The following RAD50 variants were observed in gnomAD, a reference collection of about 807,000 sequenced individuals.
The protein encoded by RAD50 is DNA repair protein RAD50.
RAD50 carries 132 observed loss-of-function variants against 168.8 expected under a neutral mutation model. The observed-to-expected ratio is 0.78, with a 90% CI of 0.68 to 0.90. RAD50 has a LOEUF of 0.90. Among genes scored for constraint, RAD50 ranks in the 40% least tolerant of loss-of-function variants. RAD50 has a pLI of 0.00. For synonymous variants in RAD50, 525 were observed against 497.4 expected (o/e 1.06, Z -0.74); for missense variants, 1,347 against 1,534.4 (o/e 0.88, Z 2.04).
At chr5:132,601,771 A>G (rs1236296818) in intron 13 of RAD50, among the ~76,000 whole-genome samples, 1 of 152,208 alleles carries the variant, frequency 6.6e-6, no homozygotes, top group African/African-American at 2.4e-5. Context: ...TGTGGCACAT[A>G]TACACCATGG....
rs1472010885 is a variant in RAD50 at position 132,603,786 on chromosome 5, C to T, written c.2398-134C>T. The stretch of plus-strand genomic sequence containing the variant: ...TTAATTTCACTTTTATCCTATTAAA[C>T]TTTGCTAAAATTGTATCTAGAAATG... On this transcript the variant is annotated intron_variant, in intron 14 of 24. Transcript: ENST00000378823. The T allele has an allele frequency of 1.1e-5, 10 of 927,708 alleles. No homozygotes were observed. In the African/African-American group the frequency reaches 1.2e-4, roughly 11 times the overall value. 57.5% of individuals were successfully genotyped at this position (927,708 alleles called of 1,614,324 possible).
At chr5:132,597,493 A>T (rs1163700292) in intron 13 of RAD50, among the ~76,000 whole-genome samples, 3 of 151,498 alleles carry the variant, frequency 2.0e-5, no homozygotes, top group Non-Finnish European at 4.4e-5. Context: ...CCCCTCTCTC[A>T]CTCACTCTGT....
intron 2 of RAD50, among the ~76,000 whole-genome samples, chr5:132,573,786 G>T (rs562405271): frequency 1.2e-4 from 18 of 152,306 alleles, no homozygotes; most frequent in Non-Finnish European, 2.4e-4. Flanking sequence ...GGAGAAATTG[G>T]CCAAAACAAA....
At chr5:132,610,483 T>C (rs908297864) in intron 19 of RAD50, among the ~76,000 whole-genome samples, 1 of 152,186 alleles carries the variant, frequency 6.6e-6, no homozygotes, top group African/African-American at 2.4e-5. Context: ...GCAAGCATGG[T>C]AGTTAATGCC....
chr5:132,587,524 T>C, intron 5 of RAD50, 38 bp from the exon 6 acceptor site: 1 of 1,607,918 alleles, frequency 6.2e-7, no homozygotes, highest in Non-Finnish European at 8.5e-7. Context: ...ATGTAAGCTA[T>C]AGTGAGTTTT....
At chr5:132,594,803 C>T in intron 11 of RAD50, 66 bp from the exon 12 acceptor site, 1 of 1,466,498 alleles carries the variant, frequency 6.8e-7, no homozygotes, top group Non-Finnish European at 9.5e-7. Flanking sequence ...TTGTTTTTGC[C>T]TACTCAAATT....
intron 17 of RAD50, 82 bp from the exon 18 acceptor site, chr5:132,609,035 T>C (rs1581004541): frequency 6.4e-7 from 1 of 1,558,554 alleles, no homozygotes; most frequent in Non-Finnish European, 8.7e-7. Context: ...GTTCATAACT[T>C]CCCAGCCAGT....
Position 132,628,423 on chromosome 5 carries a change from T to C in RAD50, c.3390-8692T>C, listed in dbSNP as rs571161724. ...GAATCTAATGCTATTTGGAGTCAAA[T>C]AAGATAAGGACTAAGAAGTGGCCCT... On this transcript the variant is annotated intron_variant, in intron 21 of 24. Transcript: ENST00000378823. 1.5e-4 allele frequency among the ~76,000 whole-genome samples: 23 copies of C among 152,270 alleles called. 1 individual carries two copies. Among genetic ancestry groups the C allele is most frequent in the Admixed American group, 9.2e-4 (14 of 15,294 alleles).
intron 2 of RAD50, among the ~76,000 whole-genome samples, chr5:132,573,839 G>T (rs1750350113): frequency 6.6e-6 from 1 of 152,224 alleles, no homozygotes; most frequent in African/African-American, 2.4e-5. Flanking sequence ...AGTGGGGCAG[G>T]TGTATCTTAA....
At chr5:132,565,394 T>C (rs916663341) in intron 2 of RAD50, among the ~76,000 whole-genome samples, 3 of 152,192 alleles carry the variant, frequency 2.0e-5, no homozygotes, top group African/African-American at 7.2e-5. Flanking sequence ...CATCGTTGCA[T>C]CAGGGCCCTA....
intron 21 of RAD50, among the ~76,000 whole-genome samples, chr5:132,625,253 A>AT (rs1355616857): frequency 2.6e-5 from 4 of 151,256 alleles, no homozygotes; most frequent in Non-Finnish European, 4.4e-5. Context: ...CGCCCGGCTA[A>AT]TTTTTTGTAT....
At chr5:132,578,181 A>C (rs1005777132) in intron 3 of RAD50, among the ~76,000 whole-genome samples, 13 of 152,186 alleles carry the variant, frequency 8.5e-5, no homozygotes, top group Admixed American at 2.6e-4. Flanking sequence ...AACCAAACTC[A>C]GTCCTTTCTC....
intron 13 of RAD50, among the ~76,000 whole-genome samples, chr5:132,601,757 A>C (rs1750891707): frequency 6.6e-6 from 1 of 152,228 alleles, no homozygotes; most frequent in Non-Finnish European, 1.5e-5. Context: ...CTAGATAAAG[A>C]AAATGTGGCA....
chr5:132,616,226 G>C, intron 20 of RAD50, 96 bp downstream of exon 20: 1 of 1,265,132 alleles, frequency 7.9e-7, no homozygotes. Context: ...TTTAGCCTCA[G>C]CCTGGTATCC....
In RAD50 at chr5:132,595,696, T is replaced by TCAGTGATTTGCAGTCTAAA. The variant is rs1750779319; in HGVS notation, c.2095_2113dup (p.Leu705GlnfsTer2). The TCAGTGATTTGCAGTCTAAA allele has an allele frequency of 6.2e-7, 1 of 1,613,740 alleles. No individual in the cohort carries two copies. The highest frequency in any genetic ancestry group is 1.7e-5 in the Admixed American group (1 of 59,994). On this transcript the variant is annotated frameshift_variant, in exon 13 of 25. Coordinates refer to ENST00000378823, the MANE Select transcript of RAD50 (RefSeq NM_005732.4). LOFTEE classifies it high-confidence loss of function. ...ACAGAGGCTGAGTTACAAGAAGTCA[T>TCAGTGATTTGCAGTCTAAA]CAGTGATTTGCAGTCTAAACTGCGA...
intron 7 of RAD50, 105 bp from the exon 8 acceptor site, chr5:132,588,582 T>A (rs1407686336): frequency 1.7e-6 from 2 of 1,191,756 alleles, no homozygotes; most frequent in African/African-American, 1.6e-5. Flanking sequence ...GGGCAAAATG[T>A]ACAAGAGACA....
At chr5:132,566,324 G>A (rs1053055967) in intron 2 of RAD50, among the ~76,000 whole-genome samples, 1 of 152,170 alleles carries the variant, frequency 6.6e-6, no homozygotes, top group Non-Finnish European at 1.5e-5. Flanking sequence ...TGCTACTCAG[G>A]AACACTGTAA....
rs914663561 is a variant in RAD50, at chr5:132,586,738, A to G, written c.757-824A>G. ...GGTTCTGCTGGGCATGGTGGTACAT[A>G]CTTATAGTCTCAGCTACTTGGAGGC... On this transcript the variant is annotated intron_variant, in intron 5 of 24. Coordinates refer to ENST00000378823, the MANE Select transcript of RAD50 (RefSeq NM_005732.4). Among the ~76,000 whole-genome samples the G allele has an allele frequency of 2.6e-5, 4 of 152,100 alleles. No individual in the cohort carries two copies. In the East Asian group the frequency reaches 5.8e-4, roughly 22 times the overall value.
chr5:132,609,422 A>G (rs1474652152), intron 19 of RAD50, 26 bp downstream of exon 19: 3 of 1,612,082 alleles, frequency 1.9e-6, no homozygotes, highest in African/African-American at 1.3e-5. Flanking sequence ...TTATGATATC[A>G]CTTACACCTA....
Sources: allele counts gnomAD v4.1 joint callset (sites outside exome capture counted in the v4.1 genomes callset), GRCh38; gene constraint gnomAD v4.1.1; transcripts MANE v1.5; gene names NCBI Gene and HGNC (gene_info 2026-07-23, HGNC 2026-07-21).